ARPC1A: variants seen among roughly 807,000 people sequenced by gnomAD.
ARPC1A encodes actin related protein 2/3 complex subunit 1A.
A neutral mutation model predicts 46.9 loss-of-function variants in ARPC1A; 8 were observed. The observed-to-expected ratio is 0.17, with a 90% CI of 0.10 to 0.31. The LOEUF (loss-of-function observed/expected upper bound fraction) is 0.31. Among genes scored for constraint, ARPC1A ranks in the 10% least tolerant of loss-of-function variants. The pLI is 1.00. For synonymous variants in ARPC1A, 152 were observed against 169.0 expected (o/e 0.90, Z 0.78); for missense variants, 286 against 483.6 (o/e 0.59, Z 3.83).
intron 3 of ARPC1A, 59 bp from the exon 4 acceptor site, chr7:99,344,234 T>C: frequency 6.4e-7 from 1 of 1,553,890 alleles, no homozygotes; most frequent in Non-Finnish European, 8.9e-7. Flanking sequence ...CCCACCTGCC[T>C]GTGCCGCAGT....
chr7:99,354,536 A>C (rs948648182), intron 6 of ARPC1A, among the ~76,000 whole-genome samples: 3 of 151,392 alleles, frequency 2.0e-5, no homozygotes, highest in African/African-American at 7.3e-5. Flanking sequence ...AAAAAAAAAA[A>C]AAAAAACACC....
intron 2 of ARPC1A, among the ~76,000 whole-genome samples, chr7:99,337,766 G>T (rs140185400): frequency 9.2e-4 from 140 of 152,208 alleles, no homozygotes; most frequent in African/African-American, 3.2e-3. Context: ...AGTAATGGAA[G>T]TCCATAACCT....
At chr7:99,353,548 G>A (rs1462251768) in intron 5 of ARPC1A, among the ~76,000 whole-genome samples, 1 of 151,566 alleles carries the variant, frequency 6.6e-6, no homozygotes, top group African/African-American at 2.4e-5. Context: ...CGTGATCTCG[G>A]CTCACTGCAA....
At chr7:99,360,593 C>T (rs1285290196) in intron 8 of ARPC1A, among the ~76,000 whole-genome samples, 1 of 152,090 alleles carries the variant, frequency 6.6e-6, no homozygotes, top group Non-Finnish European at 1.5e-5. Context: ...TCCCAAATTG[C>T]TGGAATTACA....
chr7:99,344,588 A>C (rs1793409241), intron 4 of ARPC1A, 73 bp downstream of exon 4: 7 of 1,455,742 alleles, frequency 4.8e-6, no homozygotes, highest in Non-Finnish European at 6.7e-6. Flanking sequence ...AGGGCTCACC[A>C]TAACTCCAGT....
Position 99,338,189 on chromosome 7 carries a change from C to G in ARPC1A, c.73C>G (p.Leu25Val). 1 of 1,611,064 alleles carries G rather than the reference C, an allele frequency of 6.2e-7. No individual in the cohort carries two copies. Among genetic ancestry groups the G allele is most frequent in the East Asian group, 2.2e-5 (1 of 44,848 alleles). The change falls in exon 3 of 10, where the codon CTC (leucine) becomes GTC (valine). Residue 25 changes from leucine (L) to valine (V), a missense_variant. Physicochemically the swap from Leu to Val is conservative, Grantham distance 32. This residue lies in a region of ARPC1A where 55 missense variants were observed against 59.4 expected (regional missense o/e 0.93). Coordinates refer to ENST00000262942, the MANE Select transcript of ARPC1A (RefSeq NM_006409.4). The stretch of plus-strand genomic sequence containing the variant: ...TTGACTTGTGTCTCCAGAGATTGCC[C>G]TCAGTCCCAATAATCACGAAGTGCA... ...AWNRDRTQIALSPNNHEVHIY... is the reference protein window; with the variant it reads ...AWNRDRTQIAVSPNNHEVHIY...
chr7:99,339,713 C>A (rs1250783153), intron 3 of ARPC1A: 2 of 237,188 alleles, frequency 8.4e-6, no homozygotes, highest in African/African-American at 2.2e-5. Context: ...GCATTTTATA[C>A]CTCATTTATT....
chr7:99,363,502 A>G (rs763051278), intron 8 of ARPC1A, 41 bp from the exon 9 acceptor site: 3 of 1,438,088 alleles, frequency 2.1e-6, no homozygotes, highest in Non-Finnish European at 2.9e-6. Context: ...GTTCACTTCC[A>G]CTACATACCT....
At chr7:99,359,022 G>A (rs1402852518) in intron 7 of ARPC1A, among the ~76,000 whole-genome samples, 2 of 151,020 alleles carry the variant, frequency 1.3e-5, no homozygotes, top group African/African-American at 2.4e-5. Context: ...TAGTAGAGAT[G>A]GGGTTTCACC....
chr7:99,334,402 A>G (rs1793204085), intron 2 of ARPC1A, among the ~76,000 whole-genome samples: 1 of 152,008 alleles, frequency 6.6e-6, no homozygotes, highest in Non-Finnish European at 1.5e-5. Flanking sequence ...AAATAATAAA[A>G]ACACAGAAAG....
Position 99,344,203 on chromosome 7 carries a change from C to T in ARPC1A, c.170-90C>T, listed in dbSNP as rs931141025. ...GGAGGAAGGTCCCAAGACCACGTCT[C>T]ATCCTGGCATGCCAGTGCCACCCAC... On this transcript the variant is annotated intron_variant, in intron 3 of 9. Coordinates refer to ENST00000262942, the MANE Select transcript of ARPC1A (RefSeq NM_006409.4). The T allele has an allele frequency of 1.2e-5, 15 of 1,211,348 alleles. No homozygotes were observed. The African/African-American group carries it at 1.3e-4, about 11-fold the overall frequency. The allele number at this position is 1,211,348 out of a possible 1,614,324, so 75.0% of individuals were successfully genotyped here. A position where few individuals can be genotyped will look rare whatever the true frequency, so the allele number is the denominator to read the frequency against.
chr7:99,353,161 ATGT>A, intron 5 of ARPC1A, among the ~76,000 whole-genome samples: 1 of 150,882 alleles, frequency 6.6e-6, no homozygotes, highest in Non-Finnish European at 1.5e-5. Flanking sequence ...ATGTTATGTT[ATGT>A]TATGTTATTT....
intron 2 of ARPC1A, among the ~76,000 whole-genome samples, chr7:99,333,827 C>A (rs1042525667): frequency 6.6e-6 from 1 of 152,048 alleles, no homozygotes; most frequent in Non-Finnish European, 1.5e-5. Context: ...GTTCAGCAAG[C>A]AAAGTGACAG....
At position 99,353,707 on chromosome 7, in the gene ARPC1A, G is replaced by A. The variant is rs1396816814; in HGVS notation, c.501-202G>A. Among the ~76,000 whole-genome samples, 5 of 149,982 alleles carry A rather than the reference G, an allele frequency of 3.3e-5. No individual in the cohort carries two copies. The South Asian group carries it at 8.4e-4, about 25-fold the overall frequency. The stretch of plus-strand genomic sequence containing the variant: ...TTGGTCAGGCTGGTCTCGAACTCCC[G>A]ACCTCAGGTGATCCACCCACCTAGG... On this transcript the variant is annotated intron_variant, in intron 5 of 9. Transcript: ENST00000262942.
At chr7:99,361,919 T>C (rs562048655) in intron 8 of ARPC1A, among the ~76,000 whole-genome samples, 2 of 152,262 alleles carry the variant, frequency 1.3e-5, no homozygotes, top group South Asian at 4.1e-4. Context: ...TCAAACTTTA[T>C]GGACACTCAA....
chr7:99,349,593 C>T (rs1484369800), intron 5 of ARPC1A, among the ~76,000 whole-genome samples: 5 of 152,062 alleles, frequency 3.3e-5, no homozygotes, highest in African/African-American at 7.2e-5. Flanking sequence ...AATCCCAGCA[C>T]TTTGGGAGGC....
intron 1 of ARPC1A, among the ~76,000 whole-genome samples, chr7:99,328,104 C>A (rs1374163925): frequency 6.6e-6 from 1 of 152,200 alleles, no homozygotes; most frequent in African/African-American, 2.4e-5. Flanking sequence ...GGTGCAGTGG[C>A]TCACGCCTGT....
intron 5 of ARPC1A, 120 bp downstream of exon 5, chr7:99,349,079 G>T: frequency 3.0e-6 from 3 of 1,010,354 alleles, no homozygotes; most frequent in Non-Finnish European, 2.9e-6. Context: ...TTGAGACAGG[G>T]TCTCACTCTC....
chr7:99,354,203 G>A, intron 6 of ARPC1A, 82 bp downstream of exon 6: 2 of 1,471,582 alleles, frequency 1.4e-6, no homozygotes, highest in Non-Finnish European at 1.9e-6. Context: ...CCCTTCCTGG[G>A]GTGTTAGCAC....
Sources: gnomAD v4.1 joint callset for allele counts (sites outside exome capture counted in the v4.1 genomes callset) on GRCh38, gnomAD v4.1.1 for gene constraint, gnomAD v4.1.1 regional missense constraint, MANE v1.5 for transcripts, NCBI Gene and HGNC (gene_info 2026-07-23, HGNC 2026-07-21) for gene names.